The following SLC2A13 variants were observed in gnomAD, a reference collection of about 807,000 sequenced individuals.
The protein encoded by SLC2A13 is solute carrier family 2 member 13, also known as proton myo-inositol cotransporter.
A neutral mutation model predicts 64.4 loss-of-function variants in SLC2A13; 32 were observed. That is an observed-to-expected ratio of 0.50 (90% confidence interval 0.37 to 0.67). The LOEUF (loss-of-function observed/expected upper bound fraction) is 0.67, where lower values mean the gene tolerates loss of function less well. Among genes scored for constraint, SLC2A13 ranks in the 30% least tolerant of loss-of-function variants. SLC2A13 has a pLI of 0.00. For synonymous variants in SLC2A13, 338 were observed against 327.1 expected, an observed-to-expected ratio of 1.03 and a Z score of -0.36; for missense variants, 743 against 829.2, an observed-to-expected ratio of 0.90 and a Z score of 1.28.
chr12:40,058,552 G>A (rs545073113), intron 1 of SLC2A13, among the ~76,000 whole-genome samples: 3 of 152,198 alleles, frequency 2.0e-5, no homozygotes, highest in African/African-American at 7.2e-5. Context: ...AAAAAAAAGA[G>A]AGGGAACGTC....
chr12:39,859,180 G>C (rs1943687503), intron 6 of SLC2A13, among the ~76,000 whole-genome samples: 1 of 151,770 alleles, frequency 6.6e-6, no homozygotes, highest in Middle Eastern at 3.2e-3. Context: ...CATCTGAAGA[G>C]GAAAATGTGA....
chr12:40,054,893 T>C (rs1948311641), intron 1 of SLC2A13, among the ~76,000 whole-genome samples: 1 of 152,210 alleles, frequency 6.6e-6, no homozygotes, highest in East Asian at 1.9e-4. Context: ...TAGTAGCACA[T>C]GAAGCTACCT....
At chr12:39,834,099 A>G (rs1252804119) in intron 6 of SLC2A13, among the ~76,000 whole-genome samples, 2 of 151,996 alleles carry the variant, frequency 1.3e-5, no homozygotes, top group Non-Finnish European at 2.9e-5. Flanking sequence ...ATAAAAATAT[A>G]TAGTTTTCCC....
At chr12:39,776,644 T>TAGAAG (rs1262599893) in intron 7 of SLC2A13, among the ~76,000 whole-genome samples, 15 of 152,156 alleles carry the variant, frequency 9.9e-5, no homozygotes, top group African/African-American at 3.4e-4. Flanking sequence ...GAGAAGAGTA[T>TAGAAG]AGAAGAGAAA....
chr12:40,028,544 T>A, intron 2 of SLC2A13, 35 bp from the exon 3 acceptor site: 1 of 1,607,478 alleles, frequency 6.2e-7, no homozygotes, highest in Non-Finnish European at 8.5e-7. Flanking sequence ...TACTGTAAAA[T>A]TTGCTCTTAC....
chr12:39,943,757 G>A (rs1042076628), intron 4 of SLC2A13, among the ~76,000 whole-genome samples: 2 of 152,182 alleles, frequency 1.3e-5, no homozygotes, highest in Non-Finnish European at 2.9e-5. Context: ...GAGGGACTGT[G>A]CCATGAAGGA....
At chr12:40,000,336 A>C (rs186433342) in intron 3 of SLC2A13, among the ~76,000 whole-genome samples, 102 of 152,276 alleles carry the variant, frequency 6.7e-4, no homozygotes, top group African/African-American at 2.4e-3. Flanking sequence ...AAAAACTTAC[A>C]GGCTGTAACA....
At chr12:40,033,938 A>G (rs1237500165) in intron 2 of SLC2A13, among the ~76,000 whole-genome samples, 1 of 152,170 alleles carries the variant, frequency 6.6e-6, no homozygotes, top group Admixed American at 6.5e-5. Context: ...AAGAAATTGT[A>G]CAGGAGTGAA....
intron 7 of SLC2A13, among the ~76,000 whole-genome samples, chr12:39,816,094 G>A (rs946451549): frequency 2.0e-5 from 3 of 152,202 alleles, no homozygotes; most frequent in Non-Finnish European, 4.4e-5. Context: ...TGGGCTGATA[G>A]TGAGCTGAGG....
chr12:40,014,226 C>T (rs2136198283), intron 3 of SLC2A13, among the ~76,000 whole-genome samples: 1 of 152,234 alleles, frequency 6.6e-6, no homozygotes, highest in Non-Finnish European at 1.5e-5. Context: ...AAAACTCACC[C>T]AACTAATGTA....
chr12:39,864,804 G>A lies in SLC2A13; in HGVS notation c.1277C>T (p.Pro426Leu). Residue 426 changes from proline to leucine, a missense_variant, in exon 6 of 10, where the codon CCA becomes CTA. Physicochemically the swap from Pro to Leu is moderately conservative, Grantham distance 98 (BLOSUM62 -3). Coordinates refer to ENST00000280871, the MANE Select transcript of SLC2A13 (RefSeq NM_052885.4). ...AQVSPRITFKPIAPSGQNATC... is the reference protein window; with the variant it reads ...AQVSPRITFKLIAPSGQNATC... ...GGCGTTCTGACCTGACGGAGCTATTGGCTTAAAAGTGATGCGTGGGGAAAC... is the reference window on the plus strand; with the variant it reads ...GGCGTTCTGACCTGACGGAGCTATTAGCTTAAAAGTGATGCGTGGGGAAAC... 2 of 1,613,964 alleles carry A rather than the reference G, an allele frequency of 1.2e-6. No individual in the cohort carries two copies. Among genetic ancestry groups the A allele is most frequent in the Non-Finnish European group, 8.5e-7 (1 of 1,179,946 alleles).
intron 1 of SLC2A13, among the ~76,000 whole-genome samples, chr12:40,066,804 A>C (rs1252668759): frequency 1.3e-5 from 2 of 152,162 alleles, no homozygotes; most frequent in Non-Finnish European, 2.9e-5. Flanking sequence ...AAGTCAATGA[A>C]AGGAAAATTA....
intron 1 of SLC2A13, among the ~76,000 whole-genome samples, chr12:40,082,677 A>G (rs1051029506): frequency 3.3e-5 from 5 of 152,164 alleles, no homozygotes; most frequent in Non-Finnish European, 7.4e-5. Context: ...ATGAGCACCC[A>G]TGACTATGCT....
intron 3 of SLC2A13, among the ~76,000 whole-genome samples, chr12:39,954,251 G>T (rs1946281179): frequency 6.6e-6 from 1 of 152,182 alleles, no homozygotes; most frequent in Non-Finnish European, 1.5e-5. Flanking sequence ...AAACCAGGCA[G>T]ACATTGGTGT....
intron 1 of SLC2A13, among the ~76,000 whole-genome samples, chr12:40,081,497 T>C (rs1163454615): frequency 1.3e-5 from 2 of 152,206 alleles, no homozygotes; most frequent in East Asian, 3.8e-4. Context: ...TACTTCTGAC[T>C]GTATTATGAA....
At chr12:39,871,674 A>T in intron 5 of SLC2A13, 124 bp downstream of exon 5, 1 of 1,003,082 alleles carries the variant, frequency 1.0e-6, no homozygotes, top group Non-Finnish European at 1.4e-6. Context: ...AAGAACTCTA[A>T]TTTTTTTGTT....
chr12:39,884,568 T>C (rs775089381), intron 4 of SLC2A13, among the ~76,000 whole-genome samples: 2 of 152,178 alleles, frequency 1.3e-5, no homozygotes, highest in Non-Finnish European at 2.9e-5. Flanking sequence ...ATTCAGGACG[T>C]ACTATGTGCC....
chr12:40,084,576 A>G (rs1011826132), intron 1 of SLC2A13, among the ~76,000 whole-genome samples: 4 of 152,236 alleles, frequency 2.6e-5, no homozygotes, highest in African/African-American at 9.7e-5. Context: ...GGAGCATTCT[A>G]TTGAAAGTTA....
At position 40,015,734 on chromosome 12, in the gene SLC2A13, C is replaced by T. The variant is rs78773610; in HGVS notation, c.925+12567G>A. ...CAGCATGTATATCCACGAAAGCAGA[C>T]GTTTTGCTGTTGTCCAGCAAAATAT... On this transcript the variant is annotated intron_variant, in intron 3 of 9. Coordinates refer to ENST00000280871, the MANE Select transcript of SLC2A13 (RefSeq NM_052885.4). Among the ~76,000 whole-genome samples the T allele has an allele frequency of 2.9e-3, 446 of 152,226 alleles. 7 individuals carry two copies. The East Asian group carries it at 0.06, about 21-fold the overall frequency.
Sources: allele counts gnomAD v4.1 joint callset (sites outside exome capture counted in the v4.1 genomes callset), GRCh38; gene constraint gnomAD v4.1.1; transcripts MANE v1.5; gene names NCBI Gene and HGNC (gene_info 2026-07-23, HGNC 2026-07-21).